The following FSTL5 variants were observed in gnomAD, a reference collection of about 807,000 sequenced individuals.
FSTL5 encodes follistatin-related protein 5.
In FSTL5, 62 loss-of-function variants were observed where a neutral mutation model predicts 89.1. The ratio of observed to expected loss-of-function variants is 0.70; its 90% CI spans 0.57 to 0.86. FSTL5 has a LOEUF of 0.86. FSTL5 is among the 40% of genes least tolerant of loss of function. The pLI, the probability that FSTL5 is intolerant of heterozygous loss-of-function variation, is 0.00. For synonymous variants in FSTL5, 383 were observed against 346.2 expected (o/e 1.11, Z -1.18); for missense variants, 1,057 against 1,001.6 (o/e 1.06, Z -0.75).
chr4:161,585,767 C>T (rs1397677019), intron 8 of FSTL5, among the ~76,000 whole-genome samples: 1 of 152,122 alleles, frequency 6.6e-6, no homozygotes, highest in East Asian at 1.9e-4. Flanking sequence ...ATGGATGCAG[C>T]ATTTACCTAT....
intron 8 of FSTL5, among the ~76,000 whole-genome samples, chr4:161,582,664 T>C (rs112377276): frequency 7.6e-4 from 115 of 152,312 alleles, no homozygotes; most frequent in African/African-American, 2.7e-3. Context: ...TAAAGTGTCA[T>C]TATTCTATTT....
At position 162,016,553 on chromosome 4, in the gene FSTL5, AT is replaced by A. The variant is rs533368412; in HGVS notation, c.160+17071del. ...TTTCTTTAAAGGAGCTTGATAATGG[AT>A]TTTTTTTGAGTTTTAATTCCTTTGG... On this transcript the variant is annotated intron_variant, in intron 3 of 15. Coordinates refer to ENST00000306100, the MANE Select transcript of FSTL5 (RefSeq NM_020116.5). Among the ~76,000 whole-genome samples the A allele has an allele frequency of 5.2e-4, 79 of 152,008 alleles. 1 individual carries two copies. Among genetic ancestry groups the A allele is most frequent in the African/African-American group, 1.8e-3 (75 of 41,462 alleles).
chr4:161,603,396 G>A (rs1304733833), intron 7 of FSTL5, among the ~76,000 whole-genome samples: 1 of 152,110 alleles, frequency 6.6e-6, no homozygotes, highest in African/African-American at 2.4e-5. Context: ...TTTATAACAA[G>A]AGGAAGAGTT....
chr4:161,644,684 C>T (rs1222917811), intron 7 of FSTL5, among the ~76,000 whole-genome samples: 6 of 151,902 alleles, frequency 3.9e-5, no homozygotes, highest in African/African-American at 1.5e-4. Flanking sequence ...ATTTTTTTCT[C>T]AGAAAGCTAG....
chr4:161,785,688 A>G (rs1156281213), intron 4 of FSTL5, among the ~76,000 whole-genome samples: 1 of 152,188 alleles, frequency 6.6e-6, no homozygotes, highest in African/African-American at 2.4e-5. Flanking sequence ...CTACATTTAT[A>G]GGAATATAGT....
At chr4:161,602,222 AGAGAGTGAGAGAGTGAGAGAGAGG>A (rs1734270457) in intron 7 of FSTL5, among the ~76,000 whole-genome samples, 1 of 142,934 alleles carries the variant, frequency 7.0e-6, no homozygotes, top group African/African-American at 2.6e-5. Flanking sequence ...ACACACAGAG[AGAGAGTGAGAGAGTGAGAGAGAGG>A]GAGAGAAAGA....
At chr4:161,608,139 T>C (rs369008331) in intron 7 of FSTL5, among the ~76,000 whole-genome samples, 3 of 152,104 alleles carry the variant, frequency 2.0e-5, no homozygotes, top group African/African-American at 7.2e-5. Flanking sequence ...ACCTCACAAG[T>C]AGATATCAGG....
chr4:162,083,482 T>C (rs539056921), intron 2 of FSTL5, among the ~76,000 whole-genome samples: 1 of 151,726 alleles, frequency 6.6e-6, no homozygotes, highest in Non-Finnish European at 1.5e-5. Flanking sequence ...TAAATATACG[T>C]TTTTCATTAA....
intron 7 of FSTL5, among the ~76,000 whole-genome samples, chr4:161,608,614 G>T (rs1350467920): frequency 2.6e-5 from 4 of 151,876 alleles, no homozygotes; most frequent in Admixed American, 6.6e-5. Context: ...GAAAAATCAT[G>T]ACTATGAATC....
intron 4 of FSTL5, among the ~76,000 whole-genome samples, chr4:161,816,368 T>C (rs902363537): frequency 5.3e-5 from 8 of 152,228 alleles, no homozygotes; most frequent in Admixed American, 5.2e-4. Flanking sequence ...ATGTCACTGA[T>C]GTTAATGTTT....
At chr4:161,641,845 A>G (rs1271398153) in intron 7 of FSTL5, among the ~76,000 whole-genome samples, 1 of 152,144 alleles carries the variant, frequency 6.6e-6, no homozygotes, top group African/African-American at 2.4e-5. Context: ...GGTATCCACA[A>G]GGAAATAGTA....
chr4:162,071,427 A>G (rs2872705), intron 2 of FSTL5, among the ~76,000 whole-genome samples: 5,926 of 151,892 alleles, frequency 0.039, 178 homozygotes, highest in East Asian at 0.11. Flanking sequence ...ATAGGAATCA[A>G]TTCAGCAAGA....
chr4:161,694,710 AAAC>A (rs1738075906), intron 6 of FSTL5, among the ~76,000 whole-genome samples: 1 of 152,042 alleles, frequency 6.6e-6, no homozygotes, highest in African/African-American at 2.4e-5. Flanking sequence ...ACAATTTTTT[AAAC>A]AACAGAACAT....
chr4:161,484,600 T>G (rs77820529), intron 12 of FSTL5, among the ~76,000 whole-genome samples: 13,558 of 152,200 alleles, frequency 0.089, 846 homozygotes, highest in South Asian at 0.21. Context: ...AACCTTTCGC[T>G]CTAAACTAAC....
chr4:161,490,324 A>G (rs759612982), intron 12 of FSTL5, among the ~76,000 whole-genome samples: 8 of 152,124 alleles, frequency 5.3e-5, no homozygotes, highest in Admixed American at 1.3e-4. Flanking sequence ...CTGATAACAC[A>G]TGTTGTACAA....
chr4:161,604,684 G>T (rs1251546465), intron 7 of FSTL5, among the ~76,000 whole-genome samples: 4 of 152,282 alleles, frequency 2.6e-5, no homozygotes, highest in Middle Eastern at 3.4e-3. Context: ...GAGATGCCCT[G>T]TTGGAAACCC....
chr4:161,542,405 T>G lies in FSTL5; in HGVS notation c.1177+127A>C. ...TAATTTCTTAGATATGAGCATTTTT[T>G]TTCATATTTGTGACATTCTGTTGCC... is the stretch of plus-strand genomic sequence containing the variant. On this transcript the variant is annotated intron_variant, in intron 9 of 15. Coordinates refer to ENST00000306100, the MANE Select transcript of FSTL5 (RefSeq NM_020116.5). The G allele has an allele frequency of 6.1e-6, 3 of 494,400 alleles. No individual in the cohort carries two copies. The Admixed American group carries it at 1.3e-4, about 21-fold the overall frequency. The allele number at this position is 494,400 out of a possible 1,614,324, so 30.6% of individuals were successfully genotyped here.
At chr4:161,817,481 A>G (rs553045640) in intron 4 of FSTL5, among the ~76,000 whole-genome samples, 1 of 152,312 alleles carries the variant, frequency 6.6e-6, no homozygotes, top group South Asian at 2.1e-4. Flanking sequence ...TGTGTTGTTC[A>G]GTTACAGAAA....
intron 1 of FSTL5, among the ~76,000 whole-genome samples, chr4:162,126,064 T>G (rs188790041): frequency 6.7e-6 from 1 of 149,358 alleles, no homozygotes; most frequent in African/African-American, 2.4e-5. Flanking sequence ...ACCAAACATA[T>G]GAAATTAATA....
Sources: gnomAD v4.1 joint callset for allele counts (sites outside exome capture counted in the v4.1 genomes callset) on GRCh38, gnomAD v4.1.1 for gene constraint, MANE v1.5 for transcripts, NCBI Gene and HGNC (gene_info 2026-07-23, HGNC 2026-07-21) for gene names.